The following HIP1R variants were observed in gnomAD, a reference collection of about 807,000 sequenced individuals.
The protein encoded by HIP1R is huntingtin interacting protein 1 related.
In HIP1R, 135 loss-of-function variants were observed where a neutral mutation model predicts 144.2. The observed-to-expected ratio is 0.94, with a 90% CI of 0.81 to 1.08. HIP1R has a LOEUF of 1.08. HIP1R is among the 50% of genes least tolerant of loss of function. The pLI is 0.00. For synonymous variants in HIP1R, 698 were observed against 612.8 expected, an observed-to-expected ratio of 1.14 and a Z score of -2.05; for missense variants, 1,462 against 1,432.8, an observed-to-expected ratio of 1.02 and a Z score of -0.33.
In HIP1R at chr12:122,836,478, C is replaced by A. The variant is rs894910447; in HGVS notation, c.93+835C>A. Reference sequence around the variant, plus strand: ...TACTTGTGTTTGTGCCGGGGACCCACGATGCAGACGTTGCTGCGTTTCTGG... The same window carrying A: ...TACTTGTGTTTGTGCCGGGGACCCAAGATGCAGACGTTGCTGCGTTTCTGG... On this transcript the variant is annotated intron_variant, in intron 1 of 31. Transcript: ENST00000253083. The surrounding 1 kb of genome is among the most constrained non-coding windows in gnomAD (Gnocchi z 4.1). 6.6e-6 allele frequency among the ~76,000 whole-genome samples: 1 copy of A among 152,146 alleles called. No individual in the cohort carries two copies. Among genetic ancestry groups the A allele is most frequent in the African/African-American group, 2.4e-5 (1 of 41,432 alleles).
At chr12:122,847,951 A>G (rs1249824863) in intron 1 of HIP1R, 80 bp from the exon 2 acceptor site, 4 of 1,337,486 alleles carry the variant, frequency 3.0e-6, no homozygotes, top group Non-Finnish European at 4.2e-6. Flanking sequence ...CCTGTTCAGT[A>G]TTGTGCTTCT....
In HIP1R at chr12:122,861,363, A is replaced by C; in HGVS notation, c.3008A>C (p.Glu1003Ala). 1.2e-6 allele frequency: 2 copies of C among 1,613,364 alleles called. No individual in the cohort carries two copies. Among genetic ancestry groups the C allele is most frequent in the Non-Finnish European group, 1.7e-6 (2 of 1,179,890 alleles). ...TLEAERMRLG[E>A]LRKQHYVLAG... is the part of the protein sequence containing the mutation. Reference sequence around the variant, plus strand: ...GAGGCTGAACGCATGCGGCTGGGGGAGTTGCGGAAGCAACACTACGTGCTG... The same window carrying C: ...GAGGCTGAACGCATGCGGCTGGGGGCGTTGCGGAAGCAACACTACGTGCTG... Residue 1003 changes from glutamate to alanine, a missense_variant, in exon 31 of 32, where the codon GAG becomes GCG. By Grantham distance (107) the Glu-to-Ala change is moderately radical. Coordinates refer to ENST00000253083, the MANE Select transcript of HIP1R (RefSeq NM_003959.3).
At chr12:122,854,764 A>G in intron 8 of HIP1R, 141 bp from the exon 9 acceptor site, 1 of 798,516 alleles carries the variant, frequency 1.3e-6, no homozygotes, top group South Asian at 1.6e-5. Context: ...AGGTCTCCCC[A>G]TCCCGATGGG....
intron 2 of HIP1R, 143 bp from the exon 3 acceptor site, chr12:122,848,323 G>C: frequency 8.1e-6 from 9 of 1,105,782 alleles, no homozygotes; most frequent in Non-Finnish European, 1.0e-5. Flanking sequence ...CCCTTGGCTG[G>C]ACACTGGAGC....
In HIP1R at chr12:122,860,990, C is replaced by T. The variant is rs2033752494; in HGVS notation, c.2841C>T (p.Ala947=). ...CTCGCACAGTCAATGAGAGGGCTGC[C>T]AATGTGGTGGCCTCCACCAAGTCAG... The part of the protein sequence containing the change: ...ECSRTVNERA[A]NVVASTKSGQ... Residue 947 remains alanine, a synonymous_variant, in exon 29 of 32, where the codon GCC becomes GCT. Coordinates refer to ENST00000253083, the MANE Select transcript of HIP1R (RefSeq NM_003959.3). The T allele has an allele frequency of 6.2e-7, 1 of 1,613,534 alleles. No homozygotes were observed. Among genetic ancestry groups the T allele is most frequent in the Non-Finnish European group, 8.5e-7 (1 of 1,180,012 alleles).
rs757533080 is a variant in HIP1R at position 122,860,260 on chromosome 12, A to G, written c.2559+50A>G. ...ACAGTCCACAAGGAGCCTGACCCCC[A>G]GCCTAGGCCACCCTGGGCATGAGAC... is the stretch of plus-strand genomic sequence containing the variant. On this transcript the variant is annotated intron_variant, in intron 26 of 31. Coordinates refer to ENST00000253083, the MANE Select transcript of HIP1R (RefSeq NM_003959.3). The G allele has an allele frequency of 9.1e-6, 14 of 1,531,634 alleles. No homozygotes were observed. The African/African-American group carries it at 1.5e-4, about 17-fold the overall frequency. 94.9% of individuals were successfully genotyped at this position (1,531,634 alleles called of 1,614,324 possible).
intron 31 of HIP1R, 57 bp from the exon 32 acceptor site, chr12:122,861,649 G>C: frequency 6.2e-7 from 1 of 1,606,126 alleles, no homozygotes; most frequent in Non-Finnish European, 8.5e-7. Flanking sequence ...TCAAGGGAGA[G>C]GTGGGGCCCC....
Position 122,861,306 on chromosome 12 carries a change from A to C in HIP1R, c.2953-2A>C. ...TGGGCTGAGCAGGCCGTGTGGCTAC[A>C]GGTGCGTGTCCTGGAGCTGGAGAAG... On this transcript the variant is annotated splice_acceptor_variant, in intron 30 of 31. Coordinates refer to ENST00000253083, the MANE Select transcript of HIP1R (RefSeq NM_003959.3). LOFTEE classifies it high-confidence loss of function. 4 of 1,613,638 alleles carry C rather than the reference A, an allele frequency of 2.5e-6. No homozygotes were observed. Among genetic ancestry groups the C allele is most frequent in the Non-Finnish European group, 3.4e-6 (4 of 1,179,960 alleles).
At position 122,835,523 on chromosome 12, in the gene HIP1R, C is replaced by G; in HGVS notation, c.-28C>G. On this transcript the variant is annotated 5_prime_UTR_variant, in exon 1 of 32. Coordinates refer to ENST00000253083, the MANE Select transcript of HIP1R (RefSeq NM_003959.3). ...GAGGCTGTGAGTCGCGCGGACGGAG[C>G]CGGACAAAAGCGGGCGGCGGCGGCA... 4 of 1,324,272 alleles carry G rather than the reference C, an allele frequency of 3.0e-6. No individual in the cohort carries two copies. Among genetic ancestry groups the G allele is most frequent in the Admixed American group, 3.0e-5 (1 of 33,384 alleles). The allele number at this position is 1,324,272 out of a possible 1,614,324, so 82.0% of individuals were successfully genotyped here. A position where few individuals can be genotyped will look rare whatever the true frequency, so the allele number is the denominator to read the frequency against.
chr12:122,859,933 C>T (rs1175913037), intron 24 of HIP1R, 103 bp downstream of exon 24: 3 of 1,467,820 alleles, frequency 2.0e-6, no homozygotes, highest in Non-Finnish European at 2.8e-6. Context: ...GAAGGCCTGG[C>T]TCAGAGCAGA....
chr12:122,834,889 CACAT>C (rs2032825513), upstream of HIP1R: 1 of 1,134,694 alleles, frequency 8.8e-7, no homozygotes, highest in South Asian at 1.3e-5. Flanking sequence ...TGCCTTTTGA[CACAT>C]ACATTAAGAC....
Position 122,860,534 on chromosome 12 carries a change from C to A in HIP1R, c.2660+11C>A. Reference sequence around the variant, plus strand: ...AGCCACACAGCTGGTGTAGGTTGCCCTGGGTGGGGGGGGGCAGGGGGCTGC... The same window carrying A: ...AGCCACACAGCTGGTGTAGGTTGCCATGGGTGGGGGGGGGCAGGGGGCTGC... On this transcript the variant is annotated intron_variant, in intron 27 of 31. Transcript: ENST00000253083. 1 of 1,543,948 alleles carries A rather than the reference C, an allele frequency of 6.5e-7. No homozygotes were observed. The highest frequency in any genetic ancestry group is 8.9e-7 in the Non-Finnish European group (1 of 1,118,482).
chr12:122,835,358 G>A (rs1244294119), upstream of HIP1R: 3 of 1,034,556 alleles, frequency 2.9e-6, no homozygotes, highest in African/African-American at 1.9e-5. Flanking sequence ...GTTTGCGGGC[G>A]CGGGGGGCGG....
intron 7 of HIP1R, among the ~76,000 whole-genome samples, chr12:122,853,116 T>C (rs951983078): frequency 4.6e-5 from 7 of 152,114 alleles, no homozygotes; most frequent in Admixed American, 3.9e-4. Flanking sequence ...GCCTGCTCTT[T>C]GTCATTCTCT....
chr12:122,859,722 A>G, intron 23 of HIP1R, 50 bp from the exon 24 acceptor site: 1 of 1,595,234 alleles, frequency 6.3e-7, no homozygotes, highest in Non-Finnish European at 8.6e-7. Flanking sequence ...CTTTCCCAGG[A>G]CCACGGTCCC....
Position 122,855,631 on chromosome 12 carries a change from G to C in HIP1R, c.1055+19G>C, listed in dbSNP as rs200726268. ...ACGACAGGTGAGGGCTGGAGGAGCC[G>C]ACTGGGCTGGGGGTGGTTGGAAACG... On this transcript the variant is annotated intron_variant, in intron 12 of 31. Coordinates refer to ENST00000253083, the MANE Select transcript of HIP1R (RefSeq NM_003959.3). 1.3e-6 allele frequency: 2 copies of C among 1,549,870 alleles called. No individual in the cohort carries two copies. The highest frequency in any genetic ancestry group is 8.7e-7 in the Non-Finnish European group (1 of 1,146,694).
intron 1 of HIP1R, among the ~76,000 whole-genome samples, chr12:122,839,672 C>G (rs1242723301): frequency 6.6e-6 from 1 of 152,192 alleles, no homozygotes; most frequent in Non-Finnish European, 1.5e-5. Flanking sequence ...CTAGTAACTA[C>G]TAGAAAAGTC....
Position 122,861,519 on chromosome 12 carries a change from C to T in HIP1R, c.3159+5C>T, listed in dbSNP as rs752497770. 3.3e-5 allele frequency: 53 copies of T among 1,608,412 alleles called. No homozygotes were observed. In the East Asian group the frequency reaches 6.0e-4, roughly 18 times the overall value. ...GCCCCCAGACAGGACCACCAGGTGC[C>T]GTCTGCACTGGGATGGGGGAGTTCC... On this transcript the variant is annotated splice_donor_5th_base_variant and intron_variant, in intron 31 of 31. Transcript: ENST00000253083.
intron 23 of HIP1R, 79 bp from the exon 24 acceptor site, chr12:122,859,693 G>T: frequency 1.3e-6 from 2 of 1,521,450 alleles, no homozygotes; most frequent in Non-Finnish European, 1.8e-6. Context: ...AGAGCTGAGA[G>T]GGCAGGAGGC....
Sources: gnomAD v4.1 joint callset for allele counts (sites outside exome capture counted in the v4.1 genomes callset) on GRCh38, gnomAD v4.1.1 for gene constraint, Gnocchi (gnomAD v3.1) non-coding constraint, MANE v1.5 for transcripts, NCBI Gene and HGNC (gene_info 2026-07-23, HGNC 2026-07-21) for gene names.